Variants in DNAH5 observed in about 807,000 individuals in gnomAD.
The protein encoded by DNAH5 is dynein axonemal heavy chain 5.
DNAH5 carries 372 observed loss-of-function variants against 518.2 expected under a neutral mutation model. The observed-to-expected ratio is 0.72, with a 90% CI of 0.66 to 0.78. The LOEUF is 0.78. Among genes scored for constraint, DNAH5 ranks in the 30% least tolerant of loss-of-function variants. The pLI is 0.00. For synonymous variants in DNAH5, 2,039 were observed against 2,025.9 expected, an observed-to-expected ratio of 1.01 and a Z score of -0.17; for missense variants, 5,523 against 5,687.0, an observed-to-expected ratio of 0.97 and a Z score of 0.93.
chr5:13,920,803 A>G (rs1022150226), intron 5 of DNAH5, among the ~76,000 whole-genome samples, 186 bp from the exon 6 acceptor site: 8 of 151,810 alleles, frequency 5.3e-5, no homozygotes, highest in Non-Finnish European at 1.0e-4. Flanking sequence ...ACCTTCCAAC[A>G]CTTCCCTGTG....
intron 1 of DNAH5, among the ~76,000 whole-genome samples, chr5:13,940,097 C>T (rs10055326): frequency 0.02 from 3,048 of 152,256 alleles, 101 homozygotes; most frequent in African/African-American, 0.07. Context: ...AGAACTCTCT[C>T]TTTAGCATTT....
Position 13,806,562 on chromosome 5 carries a change from C to A in DNAH5, c.7887+1029G>T, listed in dbSNP as rs150058048. On this transcript the variant is annotated intron_variant, in intron 47 of 78. Coordinates refer to ENST00000265104, the MANE Select transcript of DNAH5 (RefSeq NM_001369.3). Reference sequence around the variant, plus strand: ...AACAAAGTTCATTAAAAGCAAAGTTCTTTGGATTTGTGTTCCCCTAAAAAT... The same window carrying A: ...AACAAAGTTCATTAAAAGCAAAGTTATTTGGATTTGTGTTCCCCTAAAAAT... 2.2e-3 allele frequency among the ~76,000 whole-genome samples: 335 copies of A among 152,254 alleles called. 2 individuals are homozygous for A. Among genetic ancestry groups the A allele is most frequent in the African/African-American group, 7.3e-3 (304 of 41,570 alleles).
chr5:13,912,349 A>G (rs1471533938), intron 11 of DNAH5, among the ~76,000 whole-genome samples: 3 of 152,096 alleles, frequency 2.0e-5, no homozygotes, highest in Non-Finnish European at 4.4e-5. Flanking sequence ...AGTTTACTAG[A>G]TAAAACAACC....
chr5:13,719,742 AAT>A (rs2126522636), intron 71 of DNAH5, among the ~76,000 whole-genome samples: 1 of 152,296 alleles, frequency 6.6e-6, no homozygotes, highest in South Asian at 2.1e-4. Flanking sequence ...TTGCCTGCTG[AAT>A]TTTGAGACCT....
At chr5:13,737,016 T>C (rs773494593) in intron 66 of DNAH5, among the ~76,000 whole-genome samples, 5 of 152,200 alleles carry the variant, frequency 3.3e-5, no homozygotes, top group Non-Finnish European at 5.9e-5. Flanking sequence ...AATAAGTTCA[T>C]GAGAACCTTA....
chr5:13,778,875 T>C (rs1754655731), intron 53 of DNAH5, among the ~76,000 whole-genome samples: 1 of 152,200 alleles, frequency 6.6e-6, no homozygotes, highest in Non-Finnish European at 1.5e-5. Flanking sequence ...TCATCAGTAA[T>C]GGATCATTCC....
chr5:13,808,327 G>A (rs571127304), intron 46 of DNAH5, among the ~76,000 whole-genome samples: 66 of 151,560 alleles, frequency 4.4e-4, no homozygotes, highest in Non-Finnish European at 7.4e-4. Context: ...AAGGAGAGGC[G>A]CCTCTGAAGA....
chr5:13,921,740 G>GCC, intron 5 of DNAH5, among the ~76,000 whole-genome samples: 1 of 96,522 alleles, frequency 1.0e-5, no homozygotes, highest in South Asian at 3.6e-4. Flanking sequence ...TCCATCTGCC[G>GCC]CCCACACACA....
intron 1 of DNAH5, among the ~76,000 whole-genome samples, chr5:13,942,382 C>T (rs1020664916): frequency 6.6e-6 from 1 of 152,074 alleles, no homozygotes; most frequent in Non-Finnish European, 1.5e-5. Flanking sequence ...AGTTAGGTAG[C>T]TCTGGAATGT....
At chr5:13,968,793 G>A (rs772171701) in intron 1 of DNAH5, among the ~76,000 whole-genome samples, 3 of 152,000 alleles carry the variant, frequency 2.0e-5, no homozygotes, top group Admixed American at 6.6e-5. Flanking sequence ...GTTATGTCGT[G>A]TCCTGGTTTT....
At chr5:13,824,861 C>T (rs533173077) in intron 38 of DNAH5, among the ~76,000 whole-genome samples, 1 of 152,120 alleles carries the variant, frequency 6.6e-6, no homozygotes, top group East Asian at 1.9e-4. Flanking sequence ...AGCTAAGCCC[C>T]CAGCTTTGTC....
intron 1 of DNAH5, among the ~76,000 whole-genome samples, chr5:13,993,651 C>T (rs1783722553): frequency 6.6e-6 from 1 of 152,156 alleles, no homozygotes; most frequent in Non-Finnish European, 1.5e-5. Flanking sequence ...ATCTTATATC[C>T]CGTCTTCCAA....
At chr5:13,839,045 C>T (rs542431968) in intron 35 of DNAH5, among the ~76,000 whole-genome samples, 9 of 152,178 alleles carry the variant, frequency 5.9e-5, no homozygotes, top group East Asian at 5.8e-4. Context: ...AAGCAGCCCC[C>T]GCAAGGCCCA....
At chr5:13,979,844 T>G (rs1318203813) in intron 1 of DNAH5, among the ~76,000 whole-genome samples, 1 of 143,842 alleles carries the variant, frequency 7.0e-6, no homozygotes, top group African/African-American at 2.7e-5. Context: ...TTTTTGGGGT[T>G]TTTTTTTTTT....
At chr5:13,893,191 G>A (rs1374211617) in intron 16 of DNAH5, among the ~76,000 whole-genome samples, 1 of 152,108 alleles carries the variant, frequency 6.6e-6, no homozygotes, top group African/African-American at 2.4e-5. Context: ...AAATGGACTA[G>A]GTACTATGTT....
chr5:13,848,507 C>A (rs1229525142), intron 31 of DNAH5, among the ~76,000 whole-genome samples: 1 of 152,132 alleles, frequency 6.6e-6, no homozygotes, highest in Middle Eastern at 3.2e-3. Context: ...TTATTGTGCA[C>A]TTATATTTCT....
At chr5:13,868,578 C>G (rs1336930648) in intron 24 of DNAH5, among the ~76,000 whole-genome samples, 1 of 152,182 alleles carries the variant, frequency 6.6e-6, no homozygotes, top group Non-Finnish European at 1.5e-5. Context: ...AAAGAATTTT[C>G]TCTAAATATC....
intron 35 of DNAH5, among the ~76,000 whole-genome samples, chr5:13,838,255 C>T (rs1386134022): frequency 6.6e-6 from 1 of 152,142 alleles, no homozygotes; most frequent in Non-Finnish European, 1.5e-5. Flanking sequence ...AGCTCAGGGT[C>T]CCCAGCCCCC....
At chr5:13,708,656 T>C (rs1743112076) in intron 75 of DNAH5, among the ~76,000 whole-genome samples, 1 of 152,120 alleles carries the variant, frequency 6.6e-6, no homozygotes, top group Non-Finnish European at 1.5e-5. Context: ...TTTCTGAGAA[T>C]CCGAGCTCTT....
Sources: gnomAD v4.1 joint callset for allele counts (sites outside exome capture counted in the v4.1 genomes callset) on GRCh38, gnomAD v4.1.1 for gene constraint, MANE v1.5 for transcripts, NCBI Gene and HGNC (gene_info 2026-07-23, HGNC 2026-07-21) for gene names.